The following SVEP1 variants were observed in gnomAD, a reference collection of about 807,000 sequenced individuals.
The protein encoded by SVEP1 is sushi, von Willebrand factor type A, EGF and pentraxin domain containing 1.
In SVEP1, 164 loss-of-function variants were observed where a neutral mutation model predicts 367.3. That is an observed-to-expected ratio of 0.45 (90% CI 0.39 to 0.51). The LOEUF (loss-of-function observed/expected upper bound fraction) is 0.51. SVEP1 is among the 20% of genes least tolerant of loss of function. The probability of loss-of-function intolerance (pLI) is 0.00; values close to 1 mark genes in which losing one functional copy is unlikely to be tolerated. For missense variants in SVEP1, 4,117 were observed against 4,425.3 expected (o/e 0.93, Z 1.98); for synonymous variants, 1,666 against 1,611.6 (o/e 1.03, Z -0.81).
chr9:110,407,493 C>T lies in SVEP1; in HGVS notation c.8107G>A (p.Gly2703Arg). ...GNPVLICQED[G>R]TWNGSAPSCI... ...GATGGTGCACTGCCATTCCAAGTTC[C>T]ATCTTCCTGGCAGATCAGCACAGGG... The change falls in exon 38 of 48, where the codon GGA becomes AGA. Residue 2703 changes from glycine to arginine, a missense_variant. Physicochemically the swap from Gly to Arg is moderately radical, Grantham distance 125 (BLOSUM62 -2). This residue lies in a region of SVEP1 where 1,765 missense variants were observed against 1,781.1 expected (regional missense o/e 0.99). Coordinates refer to ENST00000374469, the MANE Select transcript of SVEP1 (RefSeq NM_153366.4). 1.9e-6 allele frequency: 3 copies of T among 1,613,972 alleles called. No homozygotes were observed. The highest frequency in any genetic ancestry group is 2.5e-6 in the Non-Finnish European group (3 of 1,179,896).
intron 17 of SVEP1, among the ~76,000 whole-genome samples, chr9:110,468,717 G>A (rs1236192211): frequency 6.6e-6 from 1 of 152,200 alleles, no homozygotes; most frequent in Admixed American, 6.5e-5. Flanking sequence ...ATCCAATTTA[G>A]CATAAAAATA....
At chr9:110,383,514 GGTGACCCCTGTTGTGGGGGGGTCTCATCC>G (rs146198020) in intron 43 of SVEP1, among the ~76,000 whole-genome samples, 54,306 of 150,494 alleles carry the variant, frequency 0.36, 10,070 homozygotes, top group African/African-American at 0.39. Context: ...TAAGGTGTCT[GGTGACCCCTGTTGTGGGGGGGTCTCATCC>G]GTGACCCCTG....
Position 110,369,961 on chromosome 9 carries a change from A to G in SVEP1, c.10656T>C (p.Cys3552=). Residue 3552 remains cysteine (C), a synonymous_variant, in exon 47 of 48, where the codon TGT becomes TGC. Transcript: ENST00000374469. The part of the protein sequence containing the change: ...NGGKCVRPNR[C]HCLSSWTGHN... ...GTCCCGTCCAAGAAGAAAGACAGTGACATCGGTTTGGTCTTACACATTTTC... is the reference window on the plus strand; with the variant it reads ...GTCCCGTCCAAGAAGAAAGACAGTGGCATCGGTTTGGTCTTACACATTTTC... 6.2e-7 allele frequency: 1 copy of G among 1,613,426 alleles called. No individual in the cohort carries two copies. The highest frequency in any genetic ancestry group is 1.7e-5 in the Admixed American group (1 of 59,922).
chr9:110,457,193 A>G, intron 21 of SVEP1, 63 bp downstream of exon 21: 1 of 1,328,554 alleles, frequency 7.5e-7, no homozygotes, highest in Non-Finnish European at 1.0e-6. Flanking sequence ...AAAGTTTGAT[A>G]CTGCAAGTCA....
chr9:110,572,846 A>G (rs981095363), intron 1 of SVEP1, among the ~76,000 whole-genome samples: 3 of 148,508 alleles, frequency 2.0e-5, no homozygotes, highest in African/African-American at 4.9e-5. Context: ...TGGGAAATAT[A>G]TGTGAGGTCT....
At chr9:110,438,743 G>A (rs532001600) in intron 27 of SVEP1, among the ~76,000 whole-genome samples, 1 of 152,250 alleles carries the variant, frequency 6.6e-6, no homozygotes, top group South Asian at 2.1e-4. Context: ...TAAGGCTTTT[G>A]ATACGAGTTT....
chr9:110,504,025 ATTTTAT>A (rs1187241236), intron 5 of SVEP1, among the ~76,000 whole-genome samples: 1 of 212 alleles, frequency 4.7e-3, no homozygotes, highest in Non-Finnish European at 0.011. Context: ...TTATTTTTTT[ATTTTAT>A]TTTATTTTAT....
rs915926059 is a variant in SVEP1, at chr9:110,458,664, C to T, written c.3485-102G>A. On this transcript the variant is annotated intron_variant, in intron 19 of 47. Transcript: ENST00000374469. ...ATTCTGGTTGTCAGAGTGGGTAAAG[C>T]CACATATATTTTGTTTCACTTATAT... 13 of 1,157,886 alleles carry T rather than the reference C, an allele frequency of 1.1e-5. No homozygotes were observed. The African/African-American group carries it at 1.9e-4, about 17-fold the overall frequency. 71.7% of individuals were successfully genotyped at this position (1,157,886 alleles called of 1,614,324 possible). A position where few individuals can be genotyped will look rare whatever the true frequency, so the allele number is the denominator to read the frequency against.
At chr9:110,393,262 A>G (rs759153037) in intron 40 of SVEP1, among the ~76,000 whole-genome samples, 3 of 152,230 alleles carry the variant, frequency 2.0e-5, no homozygotes, top group Non-Finnish European at 4.4e-5. Flanking sequence ...TCACCATTAT[A>G]TTATCATCTT....
At chr9:110,519,072 C>T (rs576034155) in intron 3 of SVEP1, among the ~76,000 whole-genome samples, 42 of 152,284 alleles carry the variant, frequency 2.8e-4, no homozygotes, top group African/African-American at 9.4e-4. Context: ...GTCCCCTTCC[C>T]CTGACTCCCA....
intron 14 of SVEP1, among the ~76,000 whole-genome samples, chr9:110,472,978 T>G: frequency 6.6e-6 from 1 of 152,180 alleles, no homozygotes; most frequent in East Asian, 1.9e-4. Flanking sequence ...GTTACTTTCA[T>G]CTTTCTGAGC....
Position 110,489,706 on chromosome 9 carries a change from G to A in SVEP1, c.1874C>T (p.Thr625Met), listed in dbSNP as rs756923466. Residue 625 changes from threonine to methionine, a missense_variant, in exon 9 of 48, where the codon ACG becomes ATG. By Grantham distance (81) the Thr-to-Met change is moderately conservative. Transcript: ENST00000374469. ...CTGGTTGCCGGATAGGTCAGTTGCC[G>A]TGTATACGATAGCAACATCTCCAAT... ...FPIGDVAIVY[T>M]ATDLSGNQAS... 2.8e-5 allele frequency: 45 copies of A among 1,613,438 alleles called. No individual in the cohort carries two copies. The highest frequency in any genetic ancestry group is 3.3e-5 in the Admixed American group (2 of 59,932).
At chr9:110,382,476 TTCTC>T (rs1827452663) in intron 43 of SVEP1, among the ~76,000 whole-genome samples, 1 of 152,178 alleles carries the variant, frequency 6.6e-6, no homozygotes. Context: ...CACCTGGACT[TTCTC>T]TCTGGCTGCC....
At chr9:110,388,937 C>G (rs1443739996) in intron 41 of SVEP1, among the ~76,000 whole-genome samples, 1 of 151,736 alleles carries the variant, frequency 6.6e-6, no homozygotes, top group Non-Finnish European at 1.5e-5. Flanking sequence ...CTACTGCACT[C>G]CACCCTGGGT....
chr9:110,391,295 G>C (rs1198134787), intron 40 of SVEP1, among the ~76,000 whole-genome samples: 2 of 142,458 alleles, frequency 1.4e-5, no homozygotes, highest in African/African-American at 5.2e-5. Flanking sequence ...TTTTGAGACA[G>C]AGTTTTGCTC....
At chr9:110,546,362 A>C (rs2118843598) in intron 2 of SVEP1, 71 bp from the exon 3 acceptor site, 1 of 1,471,208 alleles carries the variant, frequency 6.8e-7, no homozygotes, top group South Asian at 1.3e-5. Context: ...TGGTCATTAA[A>C]ATTTAAGTGC....
At chr9:110,405,326 TACA>T (rs1362690317) in intron 38 of SVEP1, among the ~76,000 whole-genome samples, 1 of 150,890 alleles carries the variant, frequency 6.6e-6, no homozygotes, top group Non-Finnish European at 1.5e-5. Context: ...TATGAATACC[TACA>T]TGGACTCAGA....
At chr9:110,465,807 C>T in intron 18 of SVEP1, 58 bp downstream of exon 18, 1 of 1,550,212 alleles carries the variant, frequency 6.5e-7, no homozygotes, top group South Asian at 1.2e-5. Flanking sequence ...TATGCCACTC[C>T]TTCATGCATA....
At chr9:110,505,192 T>A (rs942419886) in intron 5 of SVEP1, among the ~76,000 whole-genome samples, 2 of 152,184 alleles carry the variant, frequency 1.3e-5, no homozygotes, top group Non-Finnish European at 2.9e-5. Flanking sequence ...CTCACACTGT[T>A]CCAGCCTCTG....
Sources: gnomAD v4.1 joint callset for allele counts (sites outside exome capture counted in the v4.1 genomes callset) on GRCh38, gnomAD v4.1.1 for gene constraint, gnomAD v4.1.1 regional missense constraint, MANE v1.5 for transcripts, NCBI Gene and HGNC (gene_info 2026-07-23, HGNC 2026-07-21) for gene names.